The following PTPRE variants were observed in gnomAD, a reference collection of about 807,000 sequenced individuals.
PTPRE encodes receptor-type tyrosine-protein phosphatase epsilon.
A neutral mutation model predicts 102.0 loss-of-function variants in PTPRE; 51 were observed. That is an observed-to-expected ratio of 0.50 (90% CI 0.40 to 0.63). PTPRE has a LOEUF of 0.63. PTPRE is among the 30% of genes least tolerant of loss of function. The pLI, the probability that PTPRE is intolerant of heterozygous loss-of-function variation, is 0.00. For missense variants in PTPRE, 752 were observed against 915.1 expected (o/e 0.82, Z 2.30); for synonymous variants, 345 against 348.2 (o/e 0.99, Z 0.10).
chr10:127,907,395 G>C lies in PTPRE; in HGVS notation c.-31+86G>C, dbSNP rs986938918. ...CCCAAGCAGGCCGGGGCGCTGCCTC[G>C]GCCGCTGCCGCGGGAGGGAGGGGCC... is the stretch of plus-strand genomic sequence containing the variant. On this transcript the variant is annotated intron_variant, in intron 1 of 20. Transcript: ENST00000254667. This position sits in a 1 kb window ranked among gnomAD's most constrained non-coding sequence, Gnocchi z 4.8. 7.3e-6 allele frequency: 7 copies of C among 954,456 alleles called. No homozygotes were observed. The highest frequency in any genetic ancestry group is 4.8e-5 in the South Asian group (1 of 20,668). The allele number at this position is 954,456 out of a possible 1,614,324, so 59.1% of individuals were successfully genotyped here.
chr10:127,916,207 G>A (rs1196377373), intron 1 of PTPRE, among the ~76,000 whole-genome samples: 1 of 152,102 alleles, frequency 6.6e-6, no homozygotes, highest in Admixed American at 6.5e-5. Context: ...AATCCAAATA[G>A]TAATCCCCAC....
intron 1 of PTPRE, among the ~76,000 whole-genome samples, chr10:127,965,719 G>A (rs1850194362): frequency 6.6e-6 from 1 of 152,124 alleles, no homozygotes; most frequent in South Asian, 2.1e-4. Context: ...CCTTCTGGGT[G>A]CGGTGAGGGT....
chr10:127,970,338 A>G (rs547177384), intron 1 of PTPRE, among the ~76,000 whole-genome samples: 16 of 152,316 alleles, frequency 1.1e-4, no homozygotes, highest in Admixed American at 5.9e-4. Context: ...CAGTGTAAGC[A>G]CAGCTTTGCG....
In PTPRE at chr10:128,059,073, A is replaced by T. The variant is rs185889841; in HGVS notation, c.512-1866A>T. Among the ~76,000 whole-genome samples, 21 of 152,362 alleles carry T rather than the reference A, an allele frequency of 1.4e-4. No homozygotes were observed. The East Asian group carries it at 3.9e-3, about 28-fold the overall frequency. Reference sequence around the variant, plus strand: ...AATGTGAAGTGTGACTTTTTAGAATAAAAAGACAGGAAGCTCTTAGAAACT... The same window carrying T: ...AATGTGAAGTGTGACTTTTTAGAATTAAAAGACAGGAAGCTCTTAGAAACT... On this transcript the variant is annotated intron_variant, in intron 7 of 20. Transcript: ENST00000254667.
intron 1 of PTPRE, among the ~76,000 whole-genome samples, chr10:127,920,527 T>G (rs954079248): frequency 1.3e-5 from 2 of 152,172 alleles, no homozygotes; most frequent in African/African-American, 4.8e-5. Flanking sequence ...TCAGCTGTAG[T>G]CCACCCAGAT....
At chr10:127,979,041 A>C (rs990949782) in intron 1 of PTPRE, among the ~76,000 whole-genome samples, 1 of 152,162 alleles carries the variant, frequency 6.6e-6, no homozygotes, top group Admixed American at 6.5e-5. Context: ...TAAACAAATA[A>C]AAATTTAAAA....
intron 2 of PTPRE, among the ~76,000 whole-genome samples, chr10:128,036,572 GC>G (rs1847237321): frequency 6.6e-6 from 1 of 151,808 alleles, no homozygotes; most frequent in Admixed American, 6.6e-5. Context: ...CCACCCTAGA[GC>G]CCCCATTGTC....
At chr10:128,077,136 G>A (rs1024025794) in intron 18 of PTPRE, among the ~76,000 whole-genome samples, 14 of 152,152 alleles carry the variant, frequency 9.2e-5, no homozygotes, top group Admixed American at 6.5e-4. Context: ...GCTGTAGGTA[G>A]GATGACTCAC....
rs545736395 is a variant in PTPRE, at chr10:128,009,807, A to C, written c.-8+27511A>C. Among the ~76,000 whole-genome samples the C allele has an allele frequency of 1.4e-4, 21 of 152,340 alleles. No individual in the cohort carries two copies. In the South Asian group the frequency reaches 4.1e-3, roughly 30 times the overall value. ...ATGGAGGAAATTTATTTAGCACATA[A>C]TTGTAGTCTCGTTTCATATGAAGAC... On this transcript the variant is annotated intron_variant, in intron 2 of 20. Transcript: ENST00000254667.
In PTPRE at chr10:128,082,954, G is replaced by C; in HGVS notation, c.*48G>C. 7.0e-7 allele frequency: 1 copy of C among 1,435,374 alleles called. No homozygotes were observed. Among genetic ancestry groups the C allele is most frequent in the Non-Finnish European group, 9.3e-7 (1 of 1,080,932 alleles). The allele number at this position is 1,435,374 out of a possible 1,614,324, so 88.9% of individuals were successfully genotyped here. ...TTTAATTTAATGGTCAGTATATTTT[G>C]TAAAAATCATGTTAATTTATTTCAT... On this transcript the variant is annotated 3_prime_UTR_variant, in exon 21 of 21. Coordinates refer to ENST00000254667, the MANE Select transcript of PTPRE (RefSeq NM_006504.6).
intron 18 of PTPRE, among the ~76,000 whole-genome samples, 176 bp from the exon 19 acceptor site, chr10:128,077,440 CT>C (rs1851304559): frequency 2.6e-5 from 4 of 152,200 alleles, no homozygotes; most frequent in Admixed American, 6.5e-5. Context: ...CACCTGCCTT[CT>C]TCTTTAGGAC....
At chr10:127,962,416 G>T (rs987510242) in intron 1 of PTPRE, among the ~76,000 whole-genome samples, 1 of 152,228 alleles carries the variant, frequency 6.6e-6, no homozygotes, top group Non-Finnish European at 1.5e-5. Context: ...TGGCTCAGCT[G>T]CAGGACAGTG....
At chr10:128,000,785 G>A (rs1357861367) in intron 2 of PTPRE, among the ~76,000 whole-genome samples, 2 of 152,170 alleles carry the variant, frequency 1.3e-5, no homozygotes, top group African/African-American at 4.8e-5. Flanking sequence ...CTCTTGCACT[G>A]CACTCAGAGG....
chr10:128,014,749 C>A (rs964929689), intron 2 of PTPRE, among the ~76,000 whole-genome samples: 3 of 152,094 alleles, frequency 2.0e-5, no homozygotes, highest in South Asian at 2.1e-4. Context: ...GGCTTGTTGG[C>A]GCTCCCAGTG....
At chr10:128,010,180 A>C (rs1266752343) in intron 2 of PTPRE, among the ~76,000 whole-genome samples, 1 of 152,126 alleles carries the variant, frequency 6.6e-6, no homozygotes, top group African/African-American at 2.4e-5. Context: ...TGGATACCTG[A>C]GTGGGGGTGG....
intron 1 of PTPRE, among the ~76,000 whole-genome samples, chr10:127,964,530 C>T (rs1232398789): frequency 6.6e-6 from 1 of 151,788 alleles, no homozygotes. Flanking sequence ...TGTTTCTAGC[C>T]GTCCTTAAGA....
chr10:128,068,702 C>T (rs923509738), intron 12 of PTPRE: 2 of 154,518 alleles, frequency 1.3e-5, no homozygotes, highest in Non-Finnish European at 2.9e-5. Context: ...TGGGCCCCCA[C>T]AGCAGAGTCT....
At chr10:128,069,912 T>A in intron 13 of PTPRE, 85 bp downstream of exon 13, 5 of 1,596,306 alleles carry the variant, frequency 3.1e-6, no homozygotes, top group Non-Finnish European at 4.3e-6. Context: ...GGGCCCTGGC[T>A]CTGATGGGCA....
rs762592075 is a variant in PTPRE, at chr10:128,061,721, C to G, written c.625+6C>G. 1 of 1,581,044 alleles carries G rather than the reference C, an allele frequency of 6.3e-7. No individual in the cohort carries two copies. Among genetic ancestry groups the G allele is most frequent in the Non-Finnish European group, 8.6e-7 (1 of 1,166,698 alleles). On this transcript the variant is annotated splice_donor_region_variant and intron_variant, in intron 9 of 20. Transcript: ENST00000254667. ...TAAATTCATAGCAGCTCAAGGTAAG[C>G]TTTTTATTAATTTCTCAACGTATTT...
Sources: gnomAD v4.1 joint callset for allele counts (sites outside exome capture counted in the v4.1 genomes callset) on GRCh38, gnomAD v4.1.1 for gene constraint, Gnocchi (gnomAD v3.1) non-coding constraint, MANE v1.5 for transcripts, NCBI Gene and HGNC (gene_info 2026-07-23, HGNC 2026-07-21) for gene names.